The following ERC2 variants were observed in gnomAD, a reference collection of about 807,000 sequenced individuals.
The protein encoded by ERC2 is ERC protein 2.
Under a neutral mutation model 114.8 loss-of-function variants are expected in ERC2, and 42 were observed. That is an observed-to-expected ratio of 0.37 (90% CI 0.29 to 0.47). The LOEUF (loss-of-function observed/expected upper bound fraction) is 0.47, where lower values mean the gene tolerates loss of function less well. Ranked by LOEUF, ERC2 falls within the 20% of genes least tolerant of loss-of-function variation. The probability of loss-of-function intolerance (pLI) is 0.99; values close to 1 mark genes in which losing one functional copy is unlikely to be tolerated. For missense variants in ERC2, 939 were observed against 1,150.7 expected (o/e 0.82, Z 2.66); for synonymous variants, 454 against 425.5 (o/e 1.07, Z -0.82).
At chr3:56,008,420 C>A (rs1209189056) in intron 9 of ERC2, among the ~76,000 whole-genome samples, 2 of 152,252 alleles carry the variant, frequency 1.3e-5, no homozygotes, top group East Asian at 3.9e-4. Context: ...AGATACAGGT[C>A]TCAAACCCAG....
At chr3:56,331,160 G>A (rs149461655) in intron 2 of ERC2, among the ~76,000 whole-genome samples, 2 of 152,298 alleles carry the variant, frequency 1.3e-5, no homozygotes, top group East Asian at 3.9e-4. Context: ...GGTCTGCACA[G>A]CTCAGTCTTA....
chr3:56,366,894 A>G (rs765590780), intron 2 of ERC2, among the ~76,000 whole-genome samples: 3 of 152,136 alleles, frequency 2.0e-5, no homozygotes, highest in African/African-American at 4.8e-5. Context: ...CTGTCCTGAG[A>G]GCTTGGCTCT....
At position 56,340,542 on chromosome 3, in the gene ERC2, A is replaced by ATGTGTGTGTGTGTGTGTG. The variant is rs10690369; in HGVS notation, c.658-44125_658-44108dup. ...TGTGTGAGAGAGAGAGAGAGAGTGA[A>ATGTGTGTGTGTGTGTGTG]TGTGTGTGTGTGTGTGTGTGTGTGT... On this transcript the variant is annotated intron_variant, in intron 2 of 17. Transcript: ENST00000288221. Among the ~76,000 whole-genome samples, 405 of 141,516 alleles carry ATGTGTGTGTGTGTGTGTG rather than the reference A, an allele frequency of 2.9e-3. 3 individuals carry two copies. The highest frequency in any genetic ancestry group is 7.1e-3 in the African/African-American group (269 of 37,712). The allele number at this position is 141,516 out of a possible 152,430, so 92.8% of individuals were successfully genotyped here.
At chr3:55,847,063 A>C (rs573904815) in intron 14 of ERC2, among the ~76,000 whole-genome samples, 2 of 152,324 alleles carry the variant, frequency 1.3e-5, no homozygotes, top group Admixed American at 1.3e-4. Context: ...TAACACCCAC[A>C]ACACAAACAC....
chr3:56,456,283 A>G (rs191930110), intron 1 of ERC2, among the ~76,000 whole-genome samples: 2 of 152,316 alleles, frequency 1.3e-5, no homozygotes, highest in East Asian at 3.9e-4. Context: ...ATTTTATCAC[A>G]ATAATCACCT....
At chr3:55,675,481 T>C (rs191009434) in intron 17 of ERC2, among the ~76,000 whole-genome samples, 58 of 152,348 alleles carry the variant, frequency 3.8e-4, no homozygotes, top group Admixed American at 3.6e-3. Flanking sequence ...CTAGCCATTC[T>C]GATTGATACA....
chr3:56,336,177 C>T (rs114934117), intron 2 of ERC2, among the ~76,000 whole-genome samples: 2,398 of 152,230 alleles, frequency 0.016, 20 homozygotes, highest in African/African-American at 0.021. Flanking sequence ...AATACCAGCT[C>T]TGCCTGACAT....
chr3:56,428,225 G>T (rs1317200107), intron 2 of ERC2, among the ~76,000 whole-genome samples: 1 of 152,098 alleles, frequency 6.6e-6, no homozygotes, highest in Non-Finnish European at 1.5e-5. Context: ...TGACCCTGTT[G>T]AAATGGCCCT....
intron 3 of ERC2, among the ~76,000 whole-genome samples, chr3:56,187,119 T>C (rs2316483): frequency 0.91 from 138,958 of 152,172 alleles, 63,954 homozygotes; most frequent in East Asian, 1. Context: ...AGCTATGCTG[T>C]AGTCTGTTCC....
At chr3:55,840,046 T>C (rs996316506) in intron 14 of ERC2, among the ~76,000 whole-genome samples, 1 of 152,012 alleles carries the variant, frequency 6.6e-6, no homozygotes, top group Non-Finnish European at 1.5e-5. Context: ...GTGGCTCTAT[T>C]AGTATCAAAG....
intron 3 of ERC2, among the ~76,000 whole-genome samples, chr3:56,184,868 G>A (rs1316639105): frequency 6.6e-6 from 1 of 152,070 alleles, no homozygotes; most frequent in East Asian, 1.9e-4. Flanking sequence ...GAATGGCTTT[G>A]GAAAACCTCA....
At chr3:56,275,354 C>G (rs976231465) in intron 3 of ERC2, among the ~76,000 whole-genome samples, 1 of 152,150 alleles carries the variant, frequency 6.6e-6, no homozygotes, top group Non-Finnish European at 1.5e-5. Context: ...AAGAAGCCAG[C>G]CCAGTTGAGA....
Position 55,553,039 on chromosome 3 carries a change from T to TG in ERC2, c.*40-41764dup, listed in dbSNP as rs139510417. Among the ~76,000 whole-genome samples the TG allele has an allele frequency of 1.1e-4, 15 of 136,750 alleles. 1 individual carries two copies. The highest frequency in any genetic ancestry group is 2.4e-4 in the Non-Finnish European group (15 of 63,762). 89.7% of individuals were successfully genotyped at this position (136,750 alleles called of 152,430 possible). ...TTTTTTTTTTTTTTTTTTTTTTTTT[T>TG]GAGATGGAGTCTCATTCTGTCACCC... On this transcript the variant is annotated intron_variant, in intron 17 of 17. Transcript: ENST00000288221.
chr3:56,386,459 G>A (rs745776793), intron 2 of ERC2, among the ~76,000 whole-genome samples: 2 of 152,110 alleles, frequency 1.3e-5, no homozygotes, highest in South Asian at 2.1e-4. Flanking sequence ...CAACCTGGGC[G>A]ATCCTCCAAA....
intron 2 of ERC2, among the ~76,000 whole-genome samples, chr3:56,396,752 G>C (rs1306851301): frequency 6.6e-6 from 1 of 152,094 alleles, no homozygotes; most frequent in African/African-American, 2.4e-5. Context: ...AGAAAGGAAA[G>C]ATTTTTTTTC....
intron 2 of ERC2, among the ~76,000 whole-genome samples, chr3:56,401,579 A>G (rs2060521231): frequency 6.6e-6 from 1 of 152,208 alleles, no homozygotes. Flanking sequence ...CAATGATGTT[A>G]TCATAAATTT....
chr3:56,247,842 C>T (rs1009559439), intron 3 of ERC2, among the ~76,000 whole-genome samples: 5 of 152,208 alleles, frequency 3.3e-5, no homozygotes, highest in African/African-American at 1.2e-4. Context: ...TTTCCTCCCA[C>T]TGATCTTTAG....
At chr3:56,060,151 G>A (rs939270812) in intron 7 of ERC2, among the ~76,000 whole-genome samples, 10 of 152,150 alleles carry the variant, frequency 6.6e-5, no homozygotes, top group African/African-American at 1.9e-4. Flanking sequence ...CACTGGGAAC[G>A]TCTTATGTAC....
chr3:56,066,536 T>G (rs2076490956), intron 7 of ERC2, among the ~76,000 whole-genome samples: 1 of 152,224 alleles, frequency 6.6e-6, no homozygotes. Flanking sequence ...TTTCTTTTTC[T>G]GTGCAGAAGC....
Sources: allele counts gnomAD v4.1 joint callset (sites outside exome capture counted in the v4.1 genomes callset), GRCh38; gene constraint gnomAD v4.1.1; transcripts MANE v1.5; gene names NCBI Gene and HGNC (gene_info 2026-07-23, HGNC 2026-07-21).